ERBIN: variants seen among roughly 807,000 people sequenced by gnomAD.
ERBIN encodes the protein erbb2 interacting protein.
A neutral mutation model predicts 158.4 loss-of-function variants in ERBIN; 60 were observed. The ratio of observed to expected loss-of-function variants is 0.38; its 90% CI spans 0.31 to 0.47. The LOEUF (loss-of-function observed/expected upper bound fraction) is 0.47. ERBIN is among the 20% of genes least tolerant of loss of function. The pLI, the probability that ERBIN is intolerant of heterozygous loss-of-function variation, is 0.99. For synonymous variants in ERBIN, 594 were observed against 557.2 expected, an observed-to-expected ratio of 1.07 and a Z score of -0.93; for missense variants, 1,610 against 1,648.0, an observed-to-expected ratio of 0.98 and a Z score of 0.40.
intron 14 of ERBIN, among the ~76,000 whole-genome samples, chr5:66,035,263 C>T (rs999522535): frequency 1.6e-4 from 25 of 152,164 alleles, no homozygotes; most frequent in Non-Finnish European, 3.5e-4. Flanking sequence ...TCATATAGCT[C>T]AATTCCTACT....
intron 21 of ERBIN, among the ~76,000 whole-genome samples, chr5:66,063,195 G>T (rs927891376): frequency 6.6e-6 from 1 of 152,202 alleles, no homozygotes; most frequent in Non-Finnish European, 1.5e-5. Context: ...CACCCAGTTC[G>T]AGCTTCCCAG....
intron 1 of ERBIN, among the ~76,000 whole-genome samples, chr5:65,974,307 T>C (rs1394228092): frequency 6.6e-6 from 1 of 152,220 alleles, no homozygotes; most frequent in African/African-American, 2.4e-5. Flanking sequence ...GTTATGCAAA[T>C]GCTATTAAAC....
At chr5:66,019,719 TATC>T (rs1436117220) in intron 7 of ERBIN, among the ~76,000 whole-genome samples, 2 of 152,176 alleles carry the variant, frequency 1.3e-5, no homozygotes, top group African/African-American at 4.8e-5. Flanking sequence ...TTTTCCAGGA[TATC>T]ATCTGTAATT....
At chr5:65,994,948 AT>A (rs1372061462) in intron 4 of ERBIN, 84 bp downstream of exon 4, 3 of 809,572 alleles carry the variant, frequency 3.7e-6, no homozygotes, top group African/African-American at 3.6e-5. Flanking sequence ...AAAAATAAAA[AT>A]ATAAAAATAA....
rs1761608408 is a variant in ERBIN at position 66,072,370 on chromosome 5, C to T, written c.3756+79C>T. 5.1e-6 allele frequency: 7 copies of T among 1,367,964 alleles called. No individual in the cohort carries two copies. In the South Asian group the frequency reaches 1.2e-4, roughly 24 times the overall value. 84.7% of individuals were successfully genotyped at this position (1,367,964 alleles called of 1,614,324 possible). A position where few individuals can be genotyped will look rare whatever the true frequency, so the allele number is the denominator to read the frequency against. ...GCTTTTGGACTAGATATTATATGTG[C>T]TTTAGATGAAAATACTTTTTTGAGG... On this transcript the variant is annotated intron_variant, in intron 22 of 25. Transcript: ENST00000284037.
intron 15 of ERBIN, among the ~76,000 whole-genome samples, chr5:66,039,432 A>G (rs376815160): frequency 6.6e-6 from 1 of 151,922 alleles, no homozygotes; most frequent in East Asian, 1.9e-4. Context: ...TATTTAGAGG[A>G]TGCTTACCCT....
At chr5:65,957,594 G>GAA (rs1747334746) in intron 1 of ERBIN, among the ~76,000 whole-genome samples, 1 of 152,176 alleles carries the variant, frequency 6.6e-6, no homozygotes, top group Non-Finnish European at 1.5e-5. Flanking sequence ...AGAACAAAAT[G>GAA]GAGTCTCCCA....
intron 14 of ERBIN, among the ~76,000 whole-genome samples, chr5:66,036,122 T>C (rs1364303611): frequency 2.0e-5 from 3 of 152,108 alleles, no homozygotes; most frequent in African/African-American, 7.2e-5. Context: ...AAATTATAAA[T>C]AATCTGTGGT....
At chr5:65,961,726 C>G (rs992307439) in intron 1 of ERBIN, among the ~76,000 whole-genome samples, 2 of 151,662 alleles carry the variant, frequency 1.3e-5, no homozygotes, top group Admixed American at 1.3e-4. Context: ...TTTGTCAGTT[C>G]TCTTATTCTG....
intron 21 of ERBIN, among the ~76,000 whole-genome samples, chr5:66,058,567 T>C (rs936091654): frequency 6.6e-6 from 1 of 150,680 alleles, no homozygotes; most frequent in African/African-American, 2.5e-5. Flanking sequence ...ATTTTGGCTT[T>C]TGTTGCCATT....
chr5:66,025,239 G>A (rs928669203), intron 10 of ERBIN: 3 of 462,610 alleles, frequency 6.5e-6, no homozygotes, highest in Non-Finnish European at 7.7e-6. Flanking sequence ...CCTACTATCA[G>A]TATATTTTAG....
intron 14 of ERBIN, among the ~76,000 whole-genome samples, chr5:66,036,460 C>A (rs1757405404): frequency 6.6e-6 from 1 of 152,288 alleles, no homozygotes; most frequent in Admixed American, 6.5e-5. Flanking sequence ...TCTTACCTGG[C>A]TTCTTACCTT....
chr5:66,001,893 C>G (rs1418840565), intron 4 of ERBIN, among the ~76,000 whole-genome samples: 1 of 152,058 alleles, frequency 6.6e-6, no homozygotes. Context: ...GTTTGCTGCA[C>G]CTATCAACCC....
intron 21 of ERBIN, 65 bp downstream of exon 21, chr5:66,055,016 A>T: frequency 6.8e-7 from 1 of 1,460,220 alleles, no homozygotes; most frequent in Non-Finnish European, 9.1e-7. Context: ...AAAAATGATG[A>T]AACAAGATTC....
chr5:65,934,801 A>C (rs939434068), intron 1 of ERBIN, among the ~76,000 whole-genome samples: 1 of 152,174 alleles, frequency 6.6e-6, no homozygotes, highest in African/African-American at 2.4e-5. Context: ...ACTTATTTAC[A>C]TGTACCTAGG....
intron 10 of ERBIN, 57 bp downstream of exon 10, chr5:66,024,507 C>T: frequency 1.3e-6 from 2 of 1,496,318 alleles, no homozygotes; most frequent in Non-Finnish European, 1.8e-6. Context: ...GAGACTTCCA[C>T]ATAATCTCAA....
chr5:65,963,264 T>C (rs954136012), intron 1 of ERBIN, among the ~76,000 whole-genome samples: 2 of 152,228 alleles, frequency 1.3e-5, no homozygotes, highest in Non-Finnish European at 2.9e-5. Context: ...GTTGTTATTA[T>C]TTGGAAACTA....
intron 1 of ERBIN, among the ~76,000 whole-genome samples, chr5:65,984,441 C>G (rs575178646): frequency 6.6e-6 from 1 of 152,178 alleles, no homozygotes; most frequent in Non-Finnish European, 1.5e-5. Flanking sequence ...TGCTGACCTT[C>G]TAGATGCCAC....
intron 17 of ERBIN, among the ~76,000 whole-genome samples, chr5:66,045,276 A>G (rs1758316776): frequency 6.6e-6 from 1 of 152,106 alleles, no homozygotes; most frequent in African/African-American, 2.4e-5. Flanking sequence ...ATGATGTCAT[A>G]ACACAACTTT....
Sources: allele counts gnomAD v4.1 joint callset (sites outside exome capture counted in the v4.1 genomes callset), GRCh38; gene constraint gnomAD v4.1.1; transcripts MANE v1.5; gene names NCBI Gene and HGNC (gene_info 2026-07-23, HGNC 2026-07-21).